RTKN2: variants seen among roughly 807,000 people sequenced by gnomAD.
RTKN2 encodes rhotekin-2.
In RTKN2, 69 loss-of-function variants were observed where a neutral mutation model predicts 71.5. The ratio of observed to expected loss-of-function variants is 0.96; its 90% confidence interval spans 0.79 to 1.18. RTKN2 has a LOEUF of 1.18. Ranked by LOEUF, RTKN2 falls within the 50% of genes most tolerant of loss-of-function variation. RTKN2 has a pLI of 0.00. For synonymous variants in RTKN2, 236 were observed against 236.5 expected (o/e 1.00, Z 0.02); for missense variants, 724 against 719.7 (o/e 1.01, Z -0.07).
At chr10:62,200,567 G>T (rs1841422162) in intron 10 of RTKN2, among the ~76,000 whole-genome samples, 1 of 151,650 alleles carries the variant, frequency 6.6e-6, no homozygotes, top group African/African-American at 2.4e-5. Flanking sequence ...ATGTTGAAAG[G>T]TTAAACAATC....
intron 9 of RTKN2, among the ~76,000 whole-genome samples, chr10:62,209,413 G>A (rs1841615002): frequency 6.6e-6 from 1 of 151,978 alleles, no homozygotes; most frequent in Non-Finnish European, 1.5e-5. Flanking sequence ...GTTTGAAGTG[G>A]GGAGTTAGAG....
chr10:62,224,971 A>AT (rs1841989536), intron 6 of RTKN2, among the ~76,000 whole-genome samples: 1 of 152,190 alleles, frequency 6.6e-6, no homozygotes, highest in Admixed American at 6.5e-5. Context: ...AGGAAAGTTG[A>AT]TAAAAAGTGG....
At chr10:62,235,920 A>G in intron 6 of RTKN2, 146 bp downstream of exon 6, 1 of 629,076 alleles carries the variant, frequency 1.6e-6, no homozygotes, top group Middle Eastern at 4.4e-4. Flanking sequence ...AGGATACCTC[A>G]GTTGAGTAAA....
At chr10:62,268,367 T>A (rs370940037) in intron 1 of RTKN2, among the ~76,000 whole-genome samples, 184 bp downstream of exon 1, 1 of 152,110 alleles carries the variant, frequency 6.6e-6, no homozygotes, top group East Asian at 1.9e-4. Flanking sequence ...AACTCGGGGG[T>A]TCCGATGTCC....
intron 7 of RTKN2, among the ~76,000 whole-genome samples, chr10:62,219,718 G>A (rs1841864601): frequency 6.6e-6 from 1 of 152,084 alleles, no homozygotes; most frequent in Non-Finnish European, 1.5e-5. Flanking sequence ...AGAGGCCAAG[G>A]TGGGAGGAGT....
chr10:62,241,547 T>G (rs143685734), intron 3 of RTKN2, among the ~76,000 whole-genome samples: 1 of 152,306 alleles, frequency 6.6e-6, no homozygotes, highest in African/African-American at 2.4e-5. Context: ...ATTTATTAAT[T>G]ACTGTCTAGC....
intron 7 of RTKN2, 80 bp downstream of exon 7, chr10:62,223,158 A>C: frequency 1.4e-6 from 1 of 739,520 alleles, no homozygotes. Context: ...ATTTAAGCCG[A>C]TATCCACTTG....
chr10:62,208,692 C>CA (rs201587465), intron 9 of RTKN2, among the ~76,000 whole-genome samples: 63 of 151,390 alleles, frequency 4.2e-4, no homozygotes, highest in Non-Finnish European at 7.2e-4. Flanking sequence ...AACAAAAAAA[C>CA]AAAAAAAACC....
chr10:62,245,921 A>T, intron 3 of RTKN2, 78 bp downstream of exon 3: 1 of 847,972 alleles, frequency 1.2e-6, no homozygotes, highest in Non-Finnish European at 1.9e-6. Flanking sequence ...GAATGGAGAC[A>T]GGGCATAAAA....
At chr10:62,244,714 G>A (rs1451739655) in intron 3 of RTKN2, among the ~76,000 whole-genome samples, 3 of 151,632 alleles carry the variant, frequency 2.0e-5, no homozygotes, top group South Asian at 2.1e-4. Flanking sequence ...AAGAATACAA[G>A]GATAAAACAT....
intron 7 of RTKN2, among the ~76,000 whole-genome samples, chr10:62,221,586 T>C (rs565091630): frequency 0.017 from 543 of 31,756 alleles, 2 homozygotes; most frequent in Middle Eastern, 0.07. Context: ...AAATACACAA[T>C]TTAAACACAT....
intron 2 of RTKN2, among the ~76,000 whole-genome samples, chr10:62,258,770 C>A (rs915106808): frequency 2.6e-5 from 4 of 151,792 alleles, no homozygotes; most frequent in African/African-American, 9.7e-5. Context: ...GATATTTTCA[C>A]GGGTAAGCAA....
chr10:62,253,021 T>C (rs1406176939), intron 2 of RTKN2, among the ~76,000 whole-genome samples: 3 of 152,082 alleles, frequency 2.0e-5, no homozygotes, highest in Admixed American at 6.5e-5. Flanking sequence ...ATCAGTTATA[T>C]CAGTAAATAT....
chr10:62,197,382 T>C lies in RTKN2; in HGVS notation c.*526A>G. Reference sequence around the variant, plus strand: ...CCAGGAATTTAAAAGGTCAGGCCTATAAACTAGTGAGTTAAACAATAGATG... The same window carrying C: ...CCAGGAATTTAAAAGGTCAGGCCTACAAACTAGTGAGTTAAACAATAGATG... On this transcript the variant is annotated 3_prime_UTR_variant, in exon 12 of 12. Transcript: ENST00000373789. 3.0e-6 allele frequency: 3 copies of C among 985,918 alleles called. No homozygotes were observed. Among genetic ancestry groups the C allele is most frequent in the Non-Finnish European group, 3.6e-6 (3 of 829,944 alleles). 61.1% of individuals were successfully genotyped at this position (985,918 alleles called of 1,614,324 possible). A position where few individuals can be genotyped will look rare whatever the true frequency, so the allele number is the denominator to read the frequency against.
chr10:62,213,995 T>C (rs956965241), intron 9 of RTKN2, among the ~76,000 whole-genome samples: 41 of 152,102 alleles, frequency 2.7e-4, no homozygotes, highest in African/African-American at 8.2e-4. Flanking sequence ...GAGGGAAGTT[T>C]TCAGGTGAAT....
chr10:62,218,271 C>T lies in RTKN2; in HGVS notation c.812G>A (p.Gly271Asp). The T allele has an allele frequency of 6.2e-7, 1 of 1,612,418 alleles. No homozygotes were observed. ...GGCAACTAGTCGGCAGCACATGTTGCCATACAGGGGAAGCCAAAATGAAGA... is the reference window on the plus strand; with the variant it reads ...GGCAACTAGTCGGCAGCACATGTTGTCATACAGGGGAAGCCAAAATGAAGA... The part of the protein sequence containing the change: ...EESSFWLPLY[G>D]NMCCRLVAQP... Residue 271 changes from glycine to aspartate, a missense_variant, in exon 8 of 12, where the codon GGC becomes GAC. Coordinates refer to ENST00000373789, the MANE Select transcript of RTKN2 (RefSeq NM_145307.4).
At position 62,198,337 on chromosome 10, in the gene RTKN2, T is replaced by C; in HGVS notation, c.1401A>G (p.Pro467=). Residue 467 remains proline (P), a synonymous_variant, in exon 12 of 12, where the codon CCA becomes CCG. Transcript: ENST00000373789. ...FLIGQHEESL[P]PPWATLFDGN... ...CATCAAAGAGTGTGGCCCAAGGAGG[T>C]GGTAAGGATTCTTCATGCTGACCAA... is the stretch of plus-strand genomic sequence containing the variant. 4.3e-6 allele frequency: 7 copies of C among 1,613,246 alleles called. No individual in the cohort carries two copies. Among genetic ancestry groups the C allele is most frequent in the Non-Finnish European group, 5.9e-6 (7 of 1,179,718 alleles).
intron 2 of RTKN2, among the ~76,000 whole-genome samples, chr10:62,250,341 AAAAG>A (rs1227235633): frequency 2.0e-5 from 3 of 152,240 alleles, no homozygotes; most frequent in East Asian, 3.8e-4. Flanking sequence ...GCTACGAAGA[AAAAG>A]AAGGAAGAAA....
rs1841291115 is a variant in RTKN2 at position 62,194,899 on chromosome 10, C to A, written c.*3009G>T. 3.0e-6 allele frequency: 3 copies of A among 985,130 alleles called. No homozygotes were observed. The highest frequency in any genetic ancestry group is 3.6e-6 in the Non-Finnish European group (3 of 829,668). 61.0% of individuals were successfully genotyped at this position (985,130 alleles called of 1,614,324 possible). A position where few individuals can be genotyped will look rare whatever the true frequency, so the allele number is the denominator to read the frequency against. Reference sequence around the variant, plus strand: ...GGATTTAGTTTTCCACATATATTCACATCCATTTAAAAGAAGTCAGGGGGC... The same window carrying A: ...GGATTTAGTTTTCCACATATATTCAAATCCATTTAAAAGAAGTCAGGGGGC... On this transcript the variant is annotated 3_prime_UTR_variant, in exon 12 of 12. Transcript: ENST00000373789.
Sources: allele counts gnomAD v4.1 joint callset (sites outside exome capture counted in the v4.1 genomes callset), GRCh38; gene constraint gnomAD v4.1.1; transcripts MANE v1.5; gene names NCBI Gene and HGNC (gene_info 2026-07-23, HGNC 2026-07-21).